TAFA1: variants seen among roughly 807,000 people sequenced by gnomAD.
TAFA1 encodes chemokine-like protein TAFA-1.
Under a neutral mutation model 18.5 loss-of-function variants are expected in TAFA1, and 4 were observed. That is an observed-to-expected ratio of 0.22 (90% CI 0.11 to 0.49). The LOEUF (loss-of-function observed/expected upper bound fraction) is 0.49, where lower values mean the gene tolerates loss of function less well. TAFA1 is among the 20% of genes least tolerant of loss of function. The pLI is 0.98. For synonymous variants in TAFA1, 56 were observed against 55.2 expected (o/e 1.01, Z -0.06); for missense variants, 147 against 169.0 (o/e 0.87, Z 0.72).
intron 2 of TAFA1, among the ~76,000 whole-genome samples, chr3:68,190,449 A>T (rs577764336): frequency 1.3e-5 from 2 of 152,000 alleles, no homozygotes; most frequent in Admixed American, 6.6e-5. Flanking sequence ...CAAAATATTG[A>T]AGTAGGAAAA....
chr3:68,534,533 A>G (rs753027292), intron 3 of TAFA1, among the ~76,000 whole-genome samples: 10 of 152,218 alleles, frequency 6.6e-5, no homozygotes, highest in Non-Finnish European at 1.5e-4. Context: ...AACTGGAAGA[A>G]TGAATTGGAT....
intron 3 of TAFA1, among the ~76,000 whole-genome samples, chr3:68,441,767 C>T (rs1004113661): frequency 9.2e-5 from 14 of 152,082 alleles, no homozygotes; most frequent in African/African-American, 2.4e-4. Flanking sequence ...GATCAGTTGA[C>T]AGAGGAAGAG....
At chr3:68,057,899 T>G (rs1292585014) in intron 2 of TAFA1, among the ~76,000 whole-genome samples, 1 of 152,166 alleles carries the variant, frequency 6.6e-6, no homozygotes, top group Non-Finnish European at 1.5e-5. Flanking sequence ...CAATGGATTC[T>G]CCCCTAGAAC....
At chr3:68,266,205 C>T (rs1435218493) in intron 2 of TAFA1, among the ~76,000 whole-genome samples, 1 of 152,136 alleles carries the variant, frequency 6.6e-6, no homozygotes, top group Admixed American at 6.6e-5. Context: ...CTTTAATTTA[C>T]AGCCAGGATG....
chr3:68,303,060 G>A (rs920169219), intron 2 of TAFA1, among the ~76,000 whole-genome samples: 1 of 152,038 alleles, frequency 6.6e-6, no homozygotes, highest in African/African-American at 2.4e-5. Context: ...ATGTCAAGGT[G>A]CCTGGTACAT....
At chr3:68,205,273 C>G (rs1312563404) in intron 2 of TAFA1, among the ~76,000 whole-genome samples, 1 of 151,876 alleles carries the variant, frequency 6.6e-6, no homozygotes, top group Non-Finnish European at 1.5e-5. Flanking sequence ...TCATTACAAG[C>G]ACTGAGGTCC....
intron 2 of TAFA1, among the ~76,000 whole-genome samples, chr3:68,030,224 A>G (rs553281243): frequency 1.4e-4 from 22 of 152,226 alleles, no homozygotes; most frequent in Admixed American, 3.9e-4. Flanking sequence ...AAACCAGTTC[A>G]TGCTTTAAAA....
intron 3 of TAFA1, among the ~76,000 whole-genome samples, chr3:68,516,708 A>C (rs1422477601): frequency 1.3e-5 from 2 of 152,206 alleles, no homozygotes; most frequent in Non-Finnish European, 2.9e-5. Flanking sequence ...ACCACTGCTA[A>C]ATAAAATCAT....
chr3:68,361,479 A>G (rs1369352010), intron 2 of TAFA1, among the ~76,000 whole-genome samples: 3 of 152,052 alleles, frequency 2.0e-5, no homozygotes, highest in Non-Finnish European at 4.4e-5. Context: ...CAAAGTAGCT[A>G]CAAGAGAGGA....
chr3:67,996,566 A>T, the TAFA1 span, among the ~76,000 whole-genome samples: 1 of 152,164 alleles, frequency 6.6e-6, no homozygotes, highest in Non-Finnish European at 1.5e-5. Context: ...TGGGAAGCCA[A>T]GGTGGGCAGA....
intron 2 of TAFA1, among the ~76,000 whole-genome samples, chr3:68,221,174 G>A (rs934233200): frequency 5.9e-5 from 9 of 152,200 alleles, no homozygotes; most frequent in African/African-American, 2.2e-4. Context: ...TTTTGGTCCA[G>A]TAACAAATAC....
chr3:68,072,568 C>T (rs2064770236), intron 2 of TAFA1, among the ~76,000 whole-genome samples: 1 of 152,026 alleles, frequency 6.6e-6, no homozygotes, highest in African/African-American at 2.4e-5. Flanking sequence ...AAAGGATAGC[C>T]AAGAAACATT....
Position 68,316,129 on chromosome 3 carries a change from CCTAAG to C in TAFA1, c.119-101148_119-101144del, listed in dbSNP as rs145225591. Reference sequence around the variant, plus strand: ...TGTAATTAAATGAGGGATTCACTGGCCTAAGCTGAGTAAAGGCTGTTTTGTTCCAT... The same window carrying C: ...TGTAATTAAATGAGGGATTCACTGGCCTGAGTAAAGGCTGTTTTGTTCCAT... On this transcript the variant is annotated intron_variant, in intron 2 of 4. Transcript: ENST00000478136. Among the ~76,000 whole-genome samples, 439 of 152,260 alleles carry C rather than the reference CCTAAG, an allele frequency of 2.9e-3. 3 individuals are homozygous for C. Among genetic ancestry groups the C allele is most frequent in the African/African-American group, 0.01 (420 of 41,562 alleles).
chr3:68,512,195 T>C (rs1171905734), intron 3 of TAFA1, among the ~76,000 whole-genome samples: 1 of 152,136 alleles, frequency 6.6e-6, no homozygotes, highest in Non-Finnish European at 1.5e-5. Context: ...ACTAGACTTA[T>C]CGATTTACTT....
chr3:68,169,778 G>A (rs946562698), intron 2 of TAFA1, among the ~76,000 whole-genome samples: 1 of 152,318 alleles, frequency 6.6e-6, no homozygotes, highest in East Asian at 1.9e-4. Context: ...GTATATGGGT[G>A]AGGTAGAGAA....
chr3:68,509,470 C>A (rs545600416), intron 3 of TAFA1, among the ~76,000 whole-genome samples: 6 of 151,954 alleles, frequency 3.9e-5, no homozygotes, highest in Non-Finnish European at 8.8e-5. Flanking sequence ...ATTATCAAGA[C>A]AAAACTAATT....
chr3:68,215,501 A>G (rs563485078), intron 2 of TAFA1, among the ~76,000 whole-genome samples: 1 of 152,232 alleles, frequency 6.6e-6, no homozygotes, highest in South Asian at 2.1e-4. Flanking sequence ...GAAAATATCA[A>G]TAAACTAGAC....
Position 68,330,017 on chromosome 3 carries a change from G to A in TAFA1, c.119-87263G>A, listed in dbSNP as rs955022124. Among the ~76,000 whole-genome samples the A allele has an allele frequency of 4.6e-5, 7 of 152,156 alleles. No individual in the cohort carries two copies. In the East Asian group the frequency reaches 1.3e-3, roughly 29 times the overall value. ...CACACATAAACTGAAGTACTCTTGT[G>A]TGTCCAATTGCAGGGATAGCTGGGT... On this transcript the variant is annotated intron_variant, in intron 2 of 4. Transcript: ENST00000478136.
At chr3:68,255,194 A>G (rs1448094284) in intron 2 of TAFA1, among the ~76,000 whole-genome samples, 1 of 152,186 alleles carries the variant, frequency 6.6e-6, no homozygotes, top group Non-Finnish European at 1.5e-5. Context: ...TCAATCTGAG[A>G]AATGTGAATG....
Sources: allele counts gnomAD v4.1 joint callset (sites outside exome capture counted in the v4.1 genomes callset), GRCh38; gene constraint gnomAD v4.1.1; transcripts MANE v1.5; gene names NCBI Gene and HGNC (gene_info 2026-07-23, HGNC 2026-07-21).